Variants in CAMTA2 observed in about 807,000 individuals in gnomAD.
CAMTA2 encodes the protein calmodulin binding transcription activator 2.
Under a neutral mutation model 135.7 loss-of-function variants are expected in CAMTA2, and 56 were observed. The observed-to-expected ratio is 0.41, with a 90% confidence interval of 0.33 to 0.52. The LOEUF (loss-of-function observed/expected upper bound fraction) is 0.52, where lower values mean the gene tolerates loss of function less well. Ranked by LOEUF, CAMTA2 falls within the 20% of genes least tolerant of loss-of-function variation. CAMTA2 has a pLI of 0.16. For synonymous variants in CAMTA2, 591 were observed against 604.6 expected (o/e 0.98, Z 0.33); for missense variants, 1,358 against 1,553.4 (o/e 0.87, Z 2.11).
chr17:4,973,888 C>T (rs1972456289), intron 12 of CAMTA2, 119 bp from the exon 13 acceptor site: 1 of 781,460 alleles, frequency 1.3e-6, no homozygotes, highest in Non-Finnish European at 2.0e-6. Context: ...CCACATGTCC[C>T]ACTCTAGGAT....
Position 4,969,435 on chromosome 17 carries a change from AACCC to A in CAMTA2, c.3282+61_3282+64del. 1.2e-6 allele frequency: 2 copies of A among 1,608,872 alleles called. No individual in the cohort carries two copies. The highest frequency in any genetic ancestry group is 1.7e-6 in the Non-Finnish European group (2 of 1,175,226). The stretch of plus-strand genomic sequence containing the variant: ...GTTAGGCTGATGCAAGACTCTCTGT[AACCC>A]ACACACTCAAGGAAAGACTGAATCA... On this transcript the variant is annotated intron_variant, in intron 20 of 22. Coordinates refer to ENST00000348066, the MANE Select transcript of CAMTA2 (RefSeq NM_015099.4). The surrounding 1 kb of genome is among the most constrained non-coding windows in gnomAD (Gnocchi z 5.6).
At position 4,980,736 on chromosome 17, in the gene CAMTA2, T is replaced by C; in HGVS notation, c.701-115A>G. 2 of 771,094 alleles carry C rather than the reference T, an allele frequency of 2.6e-6. No individual in the cohort carries two copies. The highest frequency in any genetic ancestry group is 4.4e-6 in the Non-Finnish European group (2 of 453,088). 47.8% of individuals were successfully genotyped at this position (771,094 alleles called of 1,614,324 possible). A position where few individuals can be genotyped will look rare whatever the true frequency, so the allele number is the denominator to read the frequency against. On this transcript the variant is annotated intron_variant, in intron 8 of 22. Transcript: ENST00000348066. This position sits in a 1 kb window ranked among gnomAD's most constrained non-coding sequence, Gnocchi z 5.3. ...ACGTCCCTATAAACCAGAGGTGTAA[T>C]ACTGATTGTAGCCACTGGGAGGCAT...
chr17:4,968,603 C>T lies in CAMTA2; in HGVS notation c.*153G>A, dbSNP rs1972051604. The T allele has an allele frequency of 1.3e-6, 1 of 762,458 alleles. No individual in the cohort carries two copies. Among genetic ancestry groups the T allele is most frequent in the African/African-American group, 1.7e-5 (1 of 57,810 alleles). The allele number at this position is 762,458 out of a possible 1,614,324, so 47.2% of individuals were successfully genotyped here. A position where few individuals can be genotyped will look rare whatever the true frequency, so the allele number is the denominator to read the frequency against. On this transcript the variant is annotated 3_prime_UTR_variant, in exon 23 of 23. Coordinates refer to ENST00000348066, the MANE Select transcript of CAMTA2 (RefSeq NM_015099.4). ...AGGGACGAGGAGAGGGGTGTGGGAGCAAGGCGTGGGGAGGAGGGAGGAGGC... is the reference window on the plus strand; with the variant it reads ...AGGGACGAGGAGAGGGGTGTGGGAGTAAGGCGTGGGGAGGAGGGAGGAGGC...
At position 4,980,654 on chromosome 17, in the gene CAMTA2, T is replaced by C; in HGVS notation, c.701-33A>G. ...GGAGAGGAGTAGGAGGGAGAGGAGA[T>C]AAGACACATCATTCCGCACCTTCTC... On this transcript the variant is annotated intron_variant, in intron 8 of 22. Transcript: ENST00000348066. This position sits in a 1 kb window ranked among gnomAD's most constrained non-coding sequence, Gnocchi z 5.3. 2.0e-6 allele frequency: 3 copies of C among 1,470,954 alleles called. No homozygotes were observed. Among genetic ancestry groups the C allele is most frequent in the Non-Finnish European group, 2.8e-6 (3 of 1,053,260 alleles). 91.1% of individuals were successfully genotyped at this position (1,470,954 alleles called of 1,614,324 possible).
chr17:4,971,731 C>G (rs957655682), intron 16 of CAMTA2, among the ~76,000 whole-genome samples: 7 of 150,210 alleles, frequency 4.7e-5, no homozygotes, highest in African/African-American at 1.7e-4. Flanking sequence ...GTCTGTCACC[C>G]AGGCTGGAGT....
chr17:4,970,379 A>G lies in CAMTA2; in HGVS notation c.2966T>C (p.Leu989Pro). The G allele has an allele frequency of 6.2e-7, 1 of 1,614,202 alleles. No individual in the cohort carries two copies. Among genetic ancestry groups the G allele is most frequent in the South Asian group, 1.1e-5 (1 of 91,084 alleles). The change falls in exon 17 of 23, where the codon CTG (leucine) becomes CCG (proline). Residue 989 changes from leucine (L) to proline (P), a missense_variant. Physicochemically the swap from Leu to Pro is moderately conservative, Grantham distance 98. Around this residue, in one of 4 missense-constraint regions of CAMTA2, gnomAD observed 1,077 missense variants for 1,127.5 expected, o/e 0.96. Transcript: ENST00000348066. ...GCTGGGGAAATGGTCCACATTCTCC[A>G]GGTAGCTGGCCAGCCAGGACATGGT... The part of the protein sequence containing the change: ...SETMSWLASY[L>P]ENVDHFPSST...
chr17:4,968,956 C>G lies in CAMTA2; in HGVS notation c.3496G>C (p.Asp1166His), dbSNP rs750151051. The G allele has an allele frequency of 3.1e-6, 5 of 1,614,112 alleles. No individual in the cohort carries two copies. Among genetic ancestry groups the G allele is most frequent in the Non-Finnish European group, 4.2e-6 (5 of 1,180,022 alleles). Reference sequence around the variant, plus strand: ...CTCATGATCTTCCGGGCTGCCTGGTCCTGCTTCTTGGTGAGAAAGGAGCCT... The same window carrying G: ...CTCATGATCTTCCGGGCTGCCTGGTGCTGCTTCTTGGTGAGAAAGGAGCCT... The part of the protein sequence containing the change: ...NKGSFLTKKQ[D>H]QAARKIMRFL... The change falls in exon 22 of 23, where the codon GAC becomes CAC. Residue 1166 changes from aspartate to histidine, a missense_variant. Coordinates refer to ENST00000348066, the MANE Select transcript of CAMTA2 (RefSeq NM_015099.4).
chr17:4,969,446 T>A lies in CAMTA2; in HGVS notation c.3282+54A>T. 1.9e-6 allele frequency: 3 copies of A among 1,611,502 alleles called. No individual in the cohort carries two copies. Among genetic ancestry groups the A allele is most frequent in the Non-Finnish European group, 2.5e-6 (3 of 1,177,608 alleles). On this transcript the variant is annotated intron_variant, in intron 20 of 22. Transcript: ENST00000348066. This position sits in a 1 kb window ranked among gnomAD's most constrained non-coding sequence, Gnocchi z 5.6. The stretch of plus-strand genomic sequence containing the variant: ...GCAAGACTCTCTGTAACCCACACAC[T>A]CAAGGAAAGACTGAATCATCACAGA...
Position 4,968,157 on chromosome 17 carries a change from G to C in CAMTA2, c.*599C>G, listed in dbSNP as rs1040243044. 2 of 342,776 alleles carry C rather than the reference G, an allele frequency of 5.8e-6. No homozygotes were observed. The highest frequency in any genetic ancestry group is 2.1e-5 in the African/African-American group (1 of 47,470). 21.2% of individuals were successfully genotyped at this position (342,776 alleles called of 1,614,324 possible). ...TTAAATAGATTCTTCACTATACTCT[G>C]TATGTTACAGTATGTACAAGACCCC... On this transcript the variant is annotated 3_prime_UTR_variant, in exon 23 of 23. Coordinates refer to ENST00000348066, the MANE Select transcript of CAMTA2 (RefSeq NM_015099.4).
In CAMTA2 at chr17:4,969,038, C is replaced by G. The variant is rs1042899112; in HGVS notation, c.3471-57G>C. On this transcript the variant is annotated intron_variant, in intron 21 of 22. Transcript: ENST00000348066. This position sits in a 1 kb window ranked among gnomAD's most constrained non-coding sequence, Gnocchi z 5.6. ...GAAGGCATCGCATGCCTTCGGCCCC[C>G]CCAGGAACCCTAGGCAGGGAATGGC... 3 of 1,594,524 alleles carry G rather than the reference C, an allele frequency of 1.9e-6. No homozygotes were observed. The highest frequency in any genetic ancestry group is 1.4e-5 in the African/African-American group (1 of 74,052).
At position 4,970,494 on chromosome 17, in the gene CAMTA2, G is replaced by A; in HGVS notation, c.2851C>T (p.Pro951Ser). 1.2e-6 allele frequency: 2 copies of A among 1,613,618 alleles called. No homozygotes were observed. Among genetic ancestry groups the A allele is most frequent in the Non-Finnish European group, 8.5e-7 (1 of 1,180,034 alleles). Residue 951 changes from proline (P) to serine (S), a missense_variant, in exon 17 of 23, where the codon CCG becomes TCG. This residue lies in a region of CAMTA2 where 1,077 missense variants were observed against 1,127.5 expected (regional missense o/e 0.96). Transcript: ENST00000348066. ...SLAKQIIEAT[P>S]ERIKREDFVG... ...AAGTCCTCTCGTTTAATCCGCTCCG[G>A]TGTGGCTTCGATGATCTGCTTGGCT... is the stretch of plus-strand genomic sequence containing the variant.
intron 3 of CAMTA2, 146 bp from the exon 4 acceptor site, chr17:4,983,189 C>T (rs1973068286): frequency 1.5e-6 from 1 of 677,978 alleles, no homozygotes; most frequent in Non-Finnish European, 2.7e-6. Flanking sequence ...CAGCAAGACC[C>T]ACTGCCCTCC....
Position 4,982,850 on chromosome 17 carries a change from C to T in CAMTA2, c.246G>A (p.Val82=), listed in dbSNP as rs758544294. The change falls in exon 5 of 23, where the codon GTG becomes GTA. Residue 82 remains valine, a synonymous_variant. Transcript: ENST00000348066. The part of the protein sequence containing the change: ...GSIILYNRKK[V]KYRKDGYLWK... ...AGAGGTAACCATCCTTCCGATATTT[C>T]ACCTTCTTGCGATTGTAGAGGATGA... 6.2e-7 allele frequency: 1 copy of T among 1,614,186 alleles called. No individual in the cohort carries two copies. Among genetic ancestry groups the T allele is most frequent in the Non-Finnish European group, 8.5e-7 (1 of 1,180,048 alleles).
At position 4,980,581 on chromosome 17, in the gene CAMTA2, G is replaced by A. The variant is rs948380493; in HGVS notation, c.741C>T (p.His247=). 1.9e-6 allele frequency: 3 copies of A among 1,613,972 alleles called. No individual in the cohort carries two copies. The highest frequency in any genetic ancestry group is 2.7e-5 in the African/African-American group (2 of 74,858). The part of the protein sequence containing the change: ...SLTHKCSSTK[H]RIISPKVEPR... ...GCTCCACTTTGGGAGAGATGATGCGGTGTTTCGTGCTGCTGCATTTGTGGG... is the reference window on the plus strand; with the variant it reads ...GCTCCACTTTGGGAGAGATGATGCGATGTTTCGTGCTGCTGCATTTGTGGG... The change falls in exon 9 of 23, where the codon CAC becomes CAT. Residue 247 remains histidine, a synonymous_variant. Coordinates refer to ENST00000348066, the MANE Select transcript of CAMTA2 (RefSeq NM_015099.4). The surrounding 1 kb of genome is among the most constrained non-coding windows in gnomAD (Gnocchi z 5.3).
In CAMTA2 at chr17:4,973,770, C is replaced by G; in HGVS notation, c.2017-1G>C. The G allele has an allele frequency of 1.2e-6, 2 of 1,601,730 alleles. No individual in the cohort carries two copies. The highest frequency in any genetic ancestry group is 2.2e-5 in the South Asian group (2 of 89,830). On this transcript the variant is annotated splice_acceptor_variant, in intron 12 of 22. Coordinates refer to ENST00000348066, the MANE Select transcript of CAMTA2 (RefSeq NM_015099.4). LOFTEE classifies it high-confidence loss of function. ...CGAACCCAGGCCCCTGGCCTTCATCCTGCGATATACACACTCTTAGGCAGA... is the reference window on the plus strand; with the variant it reads ...CGAACCCAGGCCCCTGGCCTTCATCGTGCGATATACACACTCTTAGGCAGA...
chr17:4,980,048 G>C lies in CAMTA2; in HGVS notation c.1274C>G (p.Ala425Gly). Residue 425 changes from alanine (A) to glycine (G), a missense_variant, in exon 9 of 23, where the codon GCT (alanine) becomes GGT (glycine). Transcript: ENST00000348066. This position sits in a 1 kb window ranked among gnomAD's most constrained non-coding sequence, Gnocchi z 5.3. Reference protein sequence around the residue: ...PAAALEPQAAARGPPPQSVAG... With the variant: ...PAAALEPQAAGRGPPPQSVAG... ...TACTGACTGTGGTGGGGGACCCCGA[G>C]CAGCTGCCTGGGGCTCCAGGGCAGC... 2 of 1,612,798 alleles carry C rather than the reference G, an allele frequency of 1.2e-6. No individual in the cohort carries two copies. The highest frequency in any genetic ancestry group is 2.2e-5 in the South Asian group (2 of 91,090).
In CAMTA2 at chr17:4,973,610, G is replaced by A. The variant is rs1308548048; in HGVS notation, c.2176C>T (p.Leu726Phe). ...CGCCACTGGCTCAGGGTCTCGATGA[G>A]GCGGGCATAGCCCTGGGCAGCAGCC... ...HLAAAQGYAR[L>F]IETLSQWRSV... Residue 726 changes from leucine (L) to phenylalanine (F), a missense_variant, in exon 13 of 23, where the codon CTC becomes TTC. Leu to Phe is a conservative substitution (Grantham distance 22). Coordinates refer to ENST00000348066, the MANE Select transcript of CAMTA2 (RefSeq NM_015099.4). 7.4e-6 allele frequency: 12 copies of A among 1,613,286 alleles called. No individual in the cohort carries two copies. Among genetic ancestry groups the A allele is most frequent in the Non-Finnish European group, 1.0e-5 (12 of 1,179,900 alleles).
chr17:4,980,438 G>A lies in CAMTA2; in HGVS notation c.884C>T (p.Ser295Phe). Residue 295 changes from serine to phenylalanine, a missense_variant, in exon 9 of 23, where the codon TCT (serine) becomes TTT (phenylalanine). This residue lies in a region of CAMTA2 where 1,077 missense variants were observed against 1,127.5 expected (regional missense o/e 0.96). Coordinates refer to ENST00000348066, the MANE Select transcript of CAMTA2 (RefSeq NM_015099.4). The surrounding 1 kb of genome is among the most constrained non-coding windows in gnomAD (Gnocchi z 5.3). ...CTCTGCAAAACCTGATGAGGAGGAA[G>A]AAGAGGAAGAAGATGGGGAGGTGTG... ...KAHTSPSSSSSSSSSGFAEPL... is the reference protein window; with the variant it reads ...KAHTSPSSSSFSSSSGFAEPL... 6.2e-7 allele frequency: 1 copy of A among 1,613,440 alleles called. No individual in the cohort carries two copies. Among genetic ancestry groups the A allele is most frequent in the South Asian group, 1.1e-5 (1 of 91,040 alleles).
chr17:4,979,719 T>C lies in CAMTA2; in HGVS notation c.1603A>G (p.Ile535Val). The stretch of plus-strand genomic sequence containing the variant: ...GACCACTCTGGGGAGAAGTCTGTGA[T>C]GGTGCTAAGAGCAGGAGACAGCTGG... Reference protein sequence around the residue: ...TPQLSPALSTITDFSPEWSYP... With the variant: ...TPQLSPALSTVTDFSPEWSYP... The change falls in exon 9 of 23, where the codon ATC becomes GTC. Residue 535 changes from isoleucine (I) to valine (V), a missense_variant. Around this residue, in one of 4 missense-constraint regions of CAMTA2, gnomAD observed 1,077 missense variants for 1,127.5 expected, o/e 0.96. Coordinates refer to ENST00000348066, the MANE Select transcript of CAMTA2 (RefSeq NM_015099.4). 6.2e-7 allele frequency: 1 copy of C among 1,613,774 alleles called. No homozygotes were observed. Among genetic ancestry groups the C allele is most frequent in the South Asian group, 1.1e-5 (1 of 91,052 alleles).
Sources: gnomAD v4.1 joint callset for allele counts (sites outside exome capture counted in the v4.1 genomes callset) on GRCh38, gnomAD v4.1.1 for gene constraint, gnomAD v4.1.1 regional missense constraint, Gnocchi (gnomAD v3.1) non-coding constraint, MANE v1.5 for transcripts, NCBI Gene and HGNC (gene_info 2026-07-23, HGNC 2026-07-21) for gene names.